Variants in CSMD1 observed in about 807,000 individuals in gnomAD.
CSMD1 encodes the protein CUB and Sushi multiple domains 1.
A neutral mutation model predicts 417.5 loss-of-function variants in CSMD1; 213 were observed. The observed-to-expected ratio is 0.51, with a 90% CI of 0.46 to 0.57. CSMD1 has a LOEUF of 0.57. CSMD1 is among the 20% of genes least tolerant of loss of function. The probability of loss-of-function intolerance (pLI) is 0.00; values close to 1 mark genes in which losing one functional copy is unlikely to be tolerated. For synonymous variants in CSMD1, 2,862 were observed against 1,736.8 expected (o/e 1.65, Z -16.11); for missense variants, 6,923 against 4,529.7 (o/e 1.53, Z -15.17).
At chr8:3,270,297 C>G (rs551372348) in intron 26 of CSMD1, among the ~76,000 whole-genome samples, 1 of 152,040 alleles carries the variant, frequency 6.6e-6, no homozygotes, top group Non-Finnish European at 1.5e-5. Flanking sequence ...ACCTTGTGAT[C>G]CGTCTGCCTT....
chr8:3,677,790 A>G (rs547708161), intron 7 of CSMD1, among the ~76,000 whole-genome samples: 2 of 152,250 alleles, frequency 1.3e-5, no homozygotes, highest in South Asian at 2.1e-4. Context: ...TATATGTGCA[A>G]TTTTTTAAAA....
intron 3 of CSMD1, among the ~76,000 whole-genome samples, chr8:4,284,489 T>A (rs1000614060): frequency 3.3e-5 from 5 of 151,878 alleles, no homozygotes; most frequent in South Asian, 2.1e-4. Context: ...TTCCACATGT[T>A]GCTTTTGCGC....
At chr8:3,946,969 A>T (rs1297431620) in intron 5 of CSMD1, among the ~76,000 whole-genome samples, 1 of 152,200 alleles carries the variant, frequency 6.6e-6, no homozygotes, top group African/African-American at 2.4e-5. Context: ...AATTCACAGC[A>T]ATCACATCAT....
chr8:3,399,935 C>A (rs1397772447), intron 15 of CSMD1, among the ~76,000 whole-genome samples: 1 of 152,106 alleles, frequency 6.6e-6, no homozygotes, highest in African/African-American at 2.4e-5. Flanking sequence ...CATATACACA[C>A]CCTTAGGTGT....
chr8:3,434,798 C>T (rs1585159499), intron 12 of CSMD1, among the ~76,000 whole-genome samples: 1 of 152,194 alleles, frequency 6.6e-6, no homozygotes, highest in Admixed American at 6.5e-5. Flanking sequence ...CAGTTCCTTA[C>T]ACTTCTCGCC....
chr8:3,688,396 G>C (rs1800056157), intron 7 of CSMD1, among the ~76,000 whole-genome samples: 1 of 152,138 alleles, frequency 6.6e-6, no homozygotes, highest in African/African-American at 2.4e-5. Context: ...AATAGACAGA[G>C]GTGCTTTGAA....
chr8:4,126,454 A>G (rs1290899876), intron 3 of CSMD1, among the ~76,000 whole-genome samples: 1 of 152,176 alleles, frequency 6.6e-6, no homozygotes, highest in Non-Finnish European at 1.5e-5. Flanking sequence ...ATAGTAACAT[A>G]GATTTCACTT....
intron 3 of CSMD1, among the ~76,000 whole-genome samples, chr8:4,153,978 G>T (rs1796698810): frequency 6.6e-6 from 1 of 152,182 alleles, no homozygotes; most frequent in South Asian, 2.1e-4. Flanking sequence ...AAATTACTGA[G>T]AAGGCAGAAT....
chr8:4,011,620 C>G (rs1435610411), intron 4 of CSMD1, among the ~76,000 whole-genome samples: 1 of 152,176 alleles, frequency 6.6e-6, no homozygotes, highest in Admixed American at 6.5e-5. Flanking sequence ...ATTTAACATT[C>G]ATCCATTTCC....
rs565790683 is a variant in CSMD1, at chr8:4,429,545, G to A, written c.303-9480C>T. Among the ~76,000 whole-genome samples, 12 of 152,098 alleles carry A rather than the reference G, an allele frequency of 7.9e-5. No individual in the cohort carries two copies. In the South Asian group the frequency reaches 8.3e-4, roughly 11 times the overall value. On this transcript the variant is annotated intron_variant, in intron 2 of 69. Coordinates refer to ENST00000635120, the MANE Select transcript of CSMD1 (RefSeq NM_033225.6). ...AGTTGGATCAGAAAATTGCAAAAGC[G>A]TGAGACTCATTACAGAAGGATTTGG...
chr8:3,451,341 T>C (rs1055898751), intron 12 of CSMD1, among the ~76,000 whole-genome samples: 3 of 152,228 alleles, frequency 2.0e-5, no homozygotes, highest in African/African-American at 7.2e-5. Flanking sequence ...GTGTCAATTT[T>C]GGCTTTTGTT....
At chr8:3,462,888 G>A (rs973482929) in intron 12 of CSMD1, among the ~76,000 whole-genome samples, 2 of 152,132 alleles carry the variant, frequency 1.3e-5, no homozygotes, top group East Asian at 1.9e-4. Context: ...TTTCAGAGAT[G>A]GGCCAGCCTT....
intron 3 of CSMD1, among the ~76,000 whole-genome samples, chr8:4,323,545 G>C (rs765953594): frequency 6.6e-6 from 1 of 152,070 alleles, no homozygotes; most frequent in Non-Finnish European, 1.5e-5. Context: ...CAGTGTGGGT[G>C]ATCTATATTG....
At chr8:3,884,254 C>CT (rs1347876326) in intron 5 of CSMD1, among the ~76,000 whole-genome samples, 6 of 152,144 alleles carry the variant, frequency 3.9e-5, no homozygotes, top group African/African-American at 1.2e-4. Context: ...AATGGCAAGT[C>CT]TAACCTGTCT....
At chr8:3,739,980 A>C (rs1249533655) in intron 6 of CSMD1, among the ~76,000 whole-genome samples, 4 of 152,212 alleles carry the variant, frequency 2.6e-5, no homozygotes, top group Admixed American at 6.5e-5. Context: ...CATGATCCCT[A>C]TCATTAAAAT....
chr8:3,574,484 T>G (rs1800065530), intron 10 of CSMD1, among the ~76,000 whole-genome samples: 1 of 152,176 alleles, frequency 6.6e-6, no homozygotes, highest in Non-Finnish European at 1.5e-5. Context: ...TGACCTCAAG[T>G]GATCCACCCA....
chr8:3,897,664 A>G (rs1347695686), intron 5 of CSMD1, among the ~76,000 whole-genome samples: 1 of 152,182 alleles, frequency 6.6e-6, no homozygotes, highest in African/African-American at 2.4e-5. Context: ...ATCGTTAATA[A>G]TAGAATTATT....
At chr8:3,807,283 A>G (rs1453966793) in intron 5 of CSMD1, among the ~76,000 whole-genome samples, 2 of 152,202 alleles carry the variant, frequency 1.3e-5, no homozygotes, top group Non-Finnish European at 1.5e-5. Context: ...TAAGCAACCT[A>G]TACCGCATGC....
At chr8:3,845,623 A>G (rs551502737) in intron 5 of CSMD1, among the ~76,000 whole-genome samples, 2 of 152,268 alleles carry the variant, frequency 1.3e-5, no homozygotes, top group East Asian at 3.9e-4. Flanking sequence ...AATGCAGTGT[A>G]CTTAGGCACA....
Sources: gnomAD v4.1 joint callset for allele counts (sites outside exome capture counted in the v4.1 genomes callset) on GRCh38, gnomAD v4.1.1 for gene constraint, MANE v1.5 for transcripts, NCBI Gene and HGNC (gene_info 2026-07-23, HGNC 2026-07-21) for gene names.